Variants in SYT17 observed in about 807,000 individuals in gnomAD.
The protein encoded by SYT17 is synaptotagmin 17, also known as synaptotagmin-17.
SYT17 carries 22 observed loss-of-function variants against 46.7 expected under a neutral mutation model. The ratio of observed to expected loss-of-function variants is 0.47; its 90% CI spans 0.34 to 0.67. The LOEUF (loss-of-function observed/expected upper bound fraction) is 0.67, where lower values mean the gene tolerates loss of function less well. Among genes scored for constraint, SYT17 ranks in the 30% least tolerant of loss-of-function variants. The pLI is 0.01. For synonymous variants in SYT17, 251 were observed against 248.4 expected, an observed-to-expected ratio of 1.01 and a Z score of -0.10; for missense variants, 519 against 612.8, an observed-to-expected ratio of 0.85 and a Z score of 1.62.
At chr16:19,238,965 A>C (rs1377423407) in intron 7 of SYT17, among the ~76,000 whole-genome samples, 1 of 152,238 alleles carries the variant, frequency 6.6e-6, no homozygotes, top group Admixed American at 6.5e-5. Context: ...GCCAGTCAGC[A>C]GAATGCTTAA....
intron 7 of SYT17, among the ~76,000 whole-genome samples, chr16:19,241,423 A>G (rs1177738524): frequency 6.6e-6 from 1 of 151,980 alleles, no homozygotes; most frequent in Non-Finnish European, 1.5e-5. Context: ...CTGCAGCTGC[A>G]CCCAGGAAGC....
intron 7 of SYT17, among the ~76,000 whole-genome samples, chr16:19,263,640 C>CA (rs1157288423): frequency 0.076 from 2,947 of 38,696 alleles, 46 homozygotes; most frequent in Non-Finnish European, 0.1. Flanking sequence ...AATTACAACT[C>CA]AAAAAAAAAA....
At position 19,211,495 on chromosome 16, in the gene SYT17, T is replaced by C. The variant is rs141895308; in HGVS notation, c.952-11550T>C. On this transcript the variant is annotated intron_variant, in intron 5 of 7. Coordinates refer to ENST00000355377, the MANE Select transcript of SYT17 (RefSeq NM_016524.4). ...TGAAGGAAATGACAAGGTGGTGTGATGGGAAATGATGGAGGCAGAGGGGTG... is the reference window on the plus strand; with the variant it reads ...TGAAGGAAATGACAAGGTGGTGTGACGGGAAATGATGGAGGCAGAGGGGTG... 8.8e-3 allele frequency: 6,207 copies of C among 703,732 alleles called. 54 individuals are homozygous for C. The highest frequency in any genetic ancestry group is 0.014 in the Admixed American group (710 of 49,992). 43.6% of individuals were successfully genotyped at this position (703,732 alleles called of 1,614,324 possible). A position where few individuals can be genotyped will look rare whatever the true frequency, so the allele number is the denominator to read the frequency against.
intron 6 of SYT17, among the ~76,000 whole-genome samples, chr16:19,224,038 T>C (rs1966415538): frequency 6.6e-6 from 1 of 152,242 alleles, no homozygotes; most frequent in South Asian, 2.1e-4. Flanking sequence ...TCTTGATAAG[T>C]TGTTTAAACA....
chr16:19,252,129 TCCAGC>T (rs796554825), intron 7 of SYT17, among the ~76,000 whole-genome samples: 3 of 151,216 alleles, frequency 2.0e-5, no homozygotes, highest in African/African-American at 7.3e-5. Flanking sequence ...GCCACTGCAC[TCCAGC>T]CTGGGCGACA....
intron 7 of SYT17, among the ~76,000 whole-genome samples, chr16:19,231,700 G>A (rs895319243): frequency 3.3e-5 from 5 of 152,050 alleles, no homozygotes; most frequent in Non-Finnish European, 7.4e-5. Flanking sequence ...GGTGGGACCA[G>A]CTCCCTGGGG....
At chr16:19,171,836 C>T (rs1446395278) in intron 1 of SYT17, 1 of 152,098 alleles carries the variant, frequency 6.6e-6, no homozygotes, top group Non-Finnish European at 1.5e-5. Flanking sequence ...GTCTCCAAGC[C>T]TCTGGACAAG....
chr16:19,256,437 AACACACACACACACACACAC>A (rs57120408), intron 7 of SYT17, among the ~76,000 whole-genome samples: 6 of 128,978 alleles, frequency 4.7e-5, no homozygotes, highest in East Asian at 2.3e-4. Context: ...CCCCTCTTCA[AACACACACACACACACACAC>A]ACACACACAC....
chr16:19,177,921 C>T (rs996489373), intron 3 of SYT17, among the ~76,000 whole-genome samples: 6 of 152,180 alleles, frequency 3.9e-5, no homozygotes, highest in Non-Finnish European at 8.8e-5. Flanking sequence ...CCCCACTTGG[C>T]GATTGGGAGT....
chr16:19,250,006 A>G, intron 7 of SYT17: 1 of 1,536,038 alleles, frequency 6.5e-7, no homozygotes, highest in Non-Finnish European at 8.7e-7. Flanking sequence ...CAGTCCTTGG[A>G]TACCCTCACC....
At chr16:19,265,157 C>G (rs1567242148) in intron 7 of SYT17, among the ~76,000 whole-genome samples, 1 of 152,192 alleles carries the variant, frequency 6.6e-6, no homozygotes. Context: ...AGTGTCATTC[C>G]TAAAAGCCTT....
chr16:19,220,496 A>C (rs1434011965), intron 5 of SYT17, among the ~76,000 whole-genome samples: 1 of 151,648 alleles, frequency 6.6e-6, no homozygotes, highest in African/African-American at 2.4e-5. Flanking sequence ...ATGGGGTTTC[A>C]CCATGTTGGC....
At chr16:19,216,670 A>G (rs1966107932) in intron 5 of SYT17, among the ~76,000 whole-genome samples, 1 of 152,054 alleles carries the variant, frequency 6.6e-6, no homozygotes, top group Non-Finnish European at 1.5e-5. Context: ...GCTGAGGATG[A>G]TGGTTTCCAG....
chr16:19,263,408 G>A (rs1217568454), intron 7 of SYT17, among the ~76,000 whole-genome samples: 3 of 152,042 alleles, frequency 2.0e-5, no homozygotes, highest in Non-Finnish European at 2.9e-5. Context: ...TTGGAAGGCC[G>A]AGGTGGGCAG....
chr16:19,235,424 T>C (rs1363946752), intron 7 of SYT17, among the ~76,000 whole-genome samples: 2 of 152,160 alleles, frequency 1.3e-5, no homozygotes, highest in Non-Finnish European at 2.9e-5. Context: ...GGATAGAACT[T>C]GTAGCCTGAA....
In SYT17 at chr16:19,180,532, G is replaced by A; in HGVS notation, c.324G>A (p.Arg108=). The A allele has an allele frequency of 6.2e-7, 1 of 1,614,120 alleles. No individual in the cohort carries two copies. The highest frequency in any genetic ancestry group is 1.1e-5 in the South Asian group (1 of 91,084). ...AGTCTACATACAGCCTGACGCGGAG[G>A]ATTTCGAGTAAGTATCTCTGCTTTA... ...TSKSTYSLTR[R]ISSLESRRPS... is the part of the protein sequence containing the mutation. The change falls in exon 4 of 8, where the codon AGG becomes AGA. Residue 108 remains arginine (R), a synonymous_variant. Coordinates refer to ENST00000355377, the MANE Select transcript of SYT17 (RefSeq NM_016524.4).
chr16:19,174,621 C>T (rs1319978566), intron 3 of SYT17, among the ~76,000 whole-genome samples: 3 of 152,174 alleles, frequency 2.0e-5, no homozygotes, highest in South Asian at 2.1e-4. Flanking sequence ...GGTTCTGTAT[C>T]CAGGCTCTGT....
intron 5 of SYT17, among the ~76,000 whole-genome samples, chr16:19,187,305 G>T (rs1964826518): frequency 6.6e-6 from 1 of 152,126 alleles, no homozygotes; most frequent in Non-Finnish European, 1.5e-5. Context: ...GCCTCCTAAA[G>T]TTTGCTGGGA....
In SYT17 at chr16:19,183,483, G is replaced by T. The variant is rs1275330381; in HGVS notation, c.332-45G>T. On this transcript the variant is annotated intron_variant, in intron 4 of 7. Coordinates refer to ENST00000355377, the MANE Select transcript of SYT17 (RefSeq NM_016524.4). The surrounding 1 kb of genome is among the most constrained non-coding windows in gnomAD (Gnocchi z 5.6). ...CTTACCTGCAAAGTGGCCCAGGTCT[G>T]CCCCGTATGTGGCTGTCTTCATTGT... 6.2e-7 allele frequency: 1 copy of T among 1,606,900 alleles called. No homozygotes were observed. Among genetic ancestry groups the T allele is most frequent in the Non-Finnish European group, 8.5e-7 (1 of 1,175,630 alleles).
Sources: allele counts gnomAD v4.1 joint callset (sites outside exome capture counted in the v4.1 genomes callset), GRCh38; gene constraint gnomAD v4.1.1; non-coding constraint Gnocchi (gnomAD v3.1); transcripts MANE v1.5; gene names NCBI Gene and HGNC (gene_info 2026-07-23, HGNC 2026-07-21).